Variants in SORCS2 observed in about 807,000 individuals in gnomAD.
SORCS2 encodes the protein VPS10 domain-containing receptor SorCS2.
A neutral mutation model predicts 141.6 loss-of-function variants in SORCS2; 100 were observed. The observed-to-expected ratio is 0.71, with a 90% confidence interval of 0.60 to 0.83. The LOEUF (loss-of-function observed/expected upper bound fraction) is 0.83, where lower values mean the gene tolerates loss of function less well. Among genes scored for constraint, SORCS2 ranks in the 40% least tolerant of loss-of-function variants. The probability of loss-of-function intolerance (pLI) is 0.00; values close to 1 mark genes in which losing one functional copy is unlikely to be tolerated. For missense variants in SORCS2, 1,646 were observed against 1,560.2 expected (o/e 1.05, Z -0.93); for synonymous variants, 789 against 676.9 (o/e 1.17, Z -2.57).
At chr4:7,693,365 C>T (rs1410827438) in intron 11 of SORCS2, among the ~76,000 whole-genome samples, 1 of 152,234 alleles carries the variant, frequency 6.6e-6, no homozygotes, top group Non-Finnish European at 1.5e-5. Flanking sequence ...TGCCTCCCAC[C>T]ACCCCTTTGC....
chr4:7,551,850 T>G (rs1025712064), intron 3 of SORCS2, among the ~76,000 whole-genome samples: 1 of 152,228 alleles, frequency 6.6e-6, no homozygotes, highest in African/African-American at 2.4e-5. Context: ...AGACTTTGAC[T>G]AGGTATATGA....
chr4:7,319,406 A>G (rs531749536), intron 1 of SORCS2, among the ~76,000 whole-genome samples: 3 of 152,158 alleles, frequency 2.0e-5, no homozygotes, highest in African/African-American at 7.2e-5. Context: ...GGCATTTTCC[A>G]TCACATAAAA....
chr4:7,578,402 A>C (rs933833950), intron 3 of SORCS2, among the ~76,000 whole-genome samples: 3 of 152,218 alleles, frequency 2.0e-5, no homozygotes, highest in African/African-American at 7.2e-5. Context: ...TCAGGTGGGC[A>C]AATGAAGGGA....
At chr4:7,439,594 C>T (rs1727526858) in intron 2 of SORCS2, among the ~76,000 whole-genome samples, 1 of 152,206 alleles carries the variant, frequency 6.6e-6, no homozygotes, top group Non-Finnish European at 1.5e-5. Flanking sequence ...AAACACTTTT[C>T]TCCCACAGAT....
intron 2 of SORCS2, among the ~76,000 whole-genome samples, chr4:7,497,263 G>C (rs1194563071): frequency 6.6e-6 from 1 of 152,234 alleles, no homozygotes; most frequent in Non-Finnish European, 1.5e-5. Context: ...CTCTTACCAT[G>C]TCTGGGCCTC....
At chr4:7,487,663 G>A (rs1458655894) in intron 2 of SORCS2, among the ~76,000 whole-genome samples, 1 of 152,210 alleles carries the variant, frequency 6.6e-6, no homozygotes, top group Non-Finnish European at 1.5e-5. Flanking sequence ...GACTCACGTA[G>A]CGGTGATAGA....
At chr4:7,380,965 C>T (rs573026063) in intron 1 of SORCS2, among the ~76,000 whole-genome samples, 25 of 151,944 alleles carry the variant, frequency 1.6e-4, no homozygotes, top group Admixed American at 3.3e-4. Context: ...GCCTGTAGTC[C>T]CAGCTACTCG....
At position 7,718,156 on chromosome 4, in the gene SORCS2, C is replaced by T. The variant is rs375585366; in HGVS notation, c.2397C>T (p.Asp799=). Residue 799 remains aspartate (D), a synonymous_variant, in exon 18 of 27, where the codon GAC becomes GAT. Transcript: ENST00000507866. ...CGGTGGCCGTGCGGCCTGGAGAGGA[C>T]GTCCTGTTTGTGGTGCGGCAGGAGC... ...GEAVAVRPGE[D]VLFVVRQEQG... 4.9e-5 allele frequency: 79 copies of T among 1,611,080 alleles called. No individual in the cohort carries two copies. The highest frequency in any genetic ancestry group is 5.8e-5 in the Non-Finnish European group (68 of 1,179,204).
chr4:7,192,867 GGC>G lies in SORCS2; in HGVS notation c.227_228del (p.Ala76GlyfsTer150). ...CGGGTGCCGCGGAGCCCTCCCGCGG[GGC>G]GCGCGGAGCCCGGTGGCGGCGAGGA... is the stretch of plus-strand genomic sequence containing the variant. On this transcript the variant is annotated frameshift_variant, in exon 1 of 27. Transcript: ENST00000507866. LOFTEE classifies it high-confidence loss of function. This position sits in a 1 kb window ranked among gnomAD's most constrained non-coding sequence, Gnocchi z 4.0. 9.3e-7 allele frequency: 1 copy of G among 1,070,874 alleles called. No individual in the cohort carries two copies. The highest frequency in any genetic ancestry group is 1.1e-6 in the Non-Finnish European group (1 of 887,240). The allele number at this position is 1,070,874 out of a possible 1,614,324, so 66.3% of individuals were successfully genotyped here.
At chr4:7,539,777 C>G (rs1027459195) in intron 3 of SORCS2, among the ~76,000 whole-genome samples, 2 of 151,028 alleles carry the variant, frequency 1.3e-5, no homozygotes, top group Admixed American at 1.3e-4. Context: ...GGCCCCACCC[C>G]TTCCTGTTGT....
intron 9 of SORCS2, among the ~76,000 whole-genome samples, chr4:7,678,855 G>C (rs572865424): frequency 6.6e-6 from 1 of 151,490 alleles, no homozygotes; most frequent in Non-Finnish European, 1.5e-5. Context: ...CTGTGTGGCC[G>C]TAGGTGGGTT....
At chr4:7,499,691 C>T (rs565581328) in intron 2 of SORCS2, among the ~76,000 whole-genome samples, 86 of 152,018 alleles carry the variant, frequency 5.7e-4, no homozygotes, top group Middle Eastern at 6.8e-3. Flanking sequence ...AGCCATGCCC[C>T]GGGAGACCCT....
intron 1 of SORCS2, among the ~76,000 whole-genome samples, chr4:7,316,888 T>C (rs1718595414): frequency 6.6e-6 from 1 of 152,172 alleles, no homozygotes; most frequent in Non-Finnish European, 1.5e-5. Context: ...CTCAAGCTCC[T>C]GAGTTTTTGA....
At chr4:7,396,921 C>A (rs571261882) in intron 2 of SORCS2, among the ~76,000 whole-genome samples, 1 of 152,254 alleles carries the variant, frequency 6.6e-6, no homozygotes, top group African/African-American at 2.4e-5. Flanking sequence ...ATTTGAGAAC[C>A]CATTTTGGTT....
intron 2 of SORCS2, among the ~76,000 whole-genome samples, chr4:7,478,939 C>A (rs958374265): frequency 3.9e-5 from 6 of 152,218 alleles, no homozygotes; most frequent in Non-Finnish European, 8.8e-5. Flanking sequence ...TTTCTCCTCT[C>A]CTGACGGGCT....
At chr4:7,693,675 AG>A (rs1297953899) in intron 11 of SORCS2, among the ~76,000 whole-genome samples, 23 of 152,192 alleles carry the variant, frequency 1.5e-4, no homozygotes, top group Admixed American at 1.5e-3. Flanking sequence ...AGCCAAGAAA[AG>A]CTTGAGGGGG....
intron 3 of SORCS2, among the ~76,000 whole-genome samples, chr4:7,572,119 G>C (rs4689783): frequency 0.92 from 140,387 of 152,196 alleles, 64,933 homozygotes; most frequent in Non-Finnish European, 0.95. Context: ...CAGCCTCCTG[G>C]TCTTGAAGCT....
At chr4:7,545,707 C>T (rs1395937487) in intron 3 of SORCS2, among the ~76,000 whole-genome samples, 2 of 152,176 alleles carry the variant, frequency 1.3e-5, no homozygotes, top group South Asian at 2.1e-4. Flanking sequence ...CCCACAGGCC[C>T]TGGAGAGCCT....
At chr4:7,505,647 A>G (rs1270959036) in intron 2 of SORCS2, among the ~76,000 whole-genome samples, 5 of 152,066 alleles carry the variant, frequency 3.3e-5, no homozygotes, top group African/African-American at 1.2e-4. Flanking sequence ...AGGGCCTGGC[A>G]CGGAGAGGGT....
Sources: allele counts gnomAD v4.1 joint callset (sites outside exome capture counted in the v4.1 genomes callset), GRCh38; gene constraint gnomAD v4.1.1; non-coding constraint Gnocchi (gnomAD v3.1); transcripts MANE v1.5; gene names NCBI Gene and HGNC (gene_info 2026-07-23, HGNC 2026-07-21).